Variants in SARDH observed in about 807,000 individuals in gnomAD.
SARDH encodes the protein sarcosine dehydrogenase.
Under a neutral mutation model 109.1 loss-of-function variants are expected in SARDH, and 95 were observed. That is an observed-to-expected ratio of 0.87 (90% confidence interval 0.74 to 1.03). SARDH has a LOEUF of 1.03. SARDH is among the 50% of genes least tolerant of loss of function. SARDH has a pLI of 0.00. For missense variants in SARDH, 1,267 were observed against 1,287.8 expected (o/e 0.98, Z 0.25); for synonymous variants, 572 against 534.8 (o/e 1.07, Z -0.96).
intron 9 of SARDH, 26 bp downstream of exon 9, chr9:133,713,012 C>T: frequency 1.9e-6 from 3 of 1,595,106 alleles, no homozygotes; most frequent in Non-Finnish European, 2.6e-6. Context: ...CTCTTGGGGG[C>T]CAGGAGGGCT....
chr9:133,667,031 G>A (rs1830097414), intron 19 of SARDH, 161 bp from the exon 20 acceptor site: 3 of 883,754 alleles, frequency 3.4e-6, no homozygotes, highest in Non-Finnish European at 5.3e-6. Context: ...CCCAGAGCCA[G>A]CCCAGCACCT....
At chr9:133,738,873 G>C (rs1832970826), upstream of SARDH, among the ~76,000 whole-genome samples, 1 of 152,212 alleles carries the variant, frequency 6.6e-6, no homozygotes. Context: ...CTCCTGGTCT[G>C]TCTGCGTCCT....
chr9:133,682,139 C>T (rs139590462), intron 17 of SARDH, among the ~76,000 whole-genome samples: 51 of 152,256 alleles, frequency 3.3e-4, no homozygotes, highest in Non-Finnish European at 6.5e-4. Flanking sequence ...ACTGGGAGGA[C>T]GGTGTTCAAG....
chr9:133,702,819 A>C, intron 13 of SARDH, 97 bp downstream of exon 13: 1 of 1,012,324 alleles, frequency 9.9e-7, no homozygotes, highest in Non-Finnish European at 1.5e-6. Context: ...CTCCTGGGGG[A>C]GGGGAGCCCC....
chr9:133,729,666 G>C (rs1832605315), intron 6 of SARDH, 99 bp downstream of exon 6: 2 of 972,328 alleles, frequency 2.1e-6, no homozygotes, highest in African/African-American at 1.6e-5. Context: ...GCAGTGAGGG[G>C]ACCCACAAGG....
At chr9:133,701,420 G>A (rs750076393) in intron 13 of SARDH, among the ~76,000 whole-genome samples, 17 of 152,208 alleles carry the variant, frequency 1.1e-4, no homozygotes, top group South Asian at 6.2e-4. Flanking sequence ...TGATGCCACC[G>A]GGGCTGCCAA....
intron 19 of SARDH, among the ~76,000 whole-genome samples, chr9:133,668,181 T>C (rs937519544): frequency 9.9e-5 from 15 of 151,742 alleles, no homozygotes; most frequent in Middle Eastern, 3.4e-3. Context: ...GCTGAGCTGA[T>C]TCAGGGAGCT....
At chr9:133,675,689 A>G (rs960867998) in intron 17 of SARDH, among the ~76,000 whole-genome samples, 3 of 152,390 alleles carry the variant, frequency 2.0e-5, no homozygotes, top group Non-Finnish European at 4.4e-5. Context: ...TTCTGGGTAT[A>G]CACCCAAAGG....
chr9:133,667,189 C>T, intron 19 of SARDH: 1 of 463,674 alleles, frequency 2.2e-6, no homozygotes, highest in East Asian at 3.6e-5. Context: ...TGTTGTTCAA[C>T]TCTGGTTTTT....
intron 2 of SARDH, 107 bp from the exon 3 acceptor site, chr9:133,732,708 C>A: frequency 1.6e-6 from 2 of 1,283,534 alleles, no homozygotes; most frequent in South Asian, 1.5e-5. Flanking sequence ...GTGTCTTTCT[C>A]TGCAAGGTCT....
chr9:133,701,677 GC>G (rs1464451723), intron 13 of SARDH, among the ~76,000 whole-genome samples: 4 of 152,212 alleles, frequency 2.6e-5, no homozygotes, highest in African/African-American at 9.7e-5. Context: ...TCCCTGGGAG[GC>G]AGCGACAAGG....
At position 133,732,566 on chromosome 9, in the gene SARDH, C is replaced by A. The variant is rs1391072810; in HGVS notation, c.367G>T (p.Val123Leu). The change falls in exon 3 of 21, where the codon GTG (valine) becomes TTG (leucine). Residue 123 changes from valine (V) to leucine (L), a missense_variant. Coordinates refer to ENST00000439388, the MANE Select transcript of SARDH (RefSeq NM_001134707.2). ...LWQLRPSDVE[V>L]ELLAHTRRVV... ...CGCCGAGTGTGGGCCAGAAGCTCCA[C>A]CTCCACGTCACTGGGCCGCAGCTGC... 15 of 1,612,678 alleles carry A rather than the reference C, an allele frequency of 9.3e-6. No individual in the cohort carries two copies. The highest frequency in any genetic ancestry group is 5.3e-5 in the African/African-American group (4 of 74,924).
At chr9:133,682,477 G>A (rs185280390) in intron 17 of SARDH, among the ~76,000 whole-genome samples, 53 of 152,300 alleles carry the variant, frequency 3.5e-4, no homozygotes, top group African/African-American at 1.2e-3. Context: ...TGTCCCCAAC[G>A]GTCCTCTGAG....
At chr9:133,685,114 C>A in intron 17 of SARDH, 79 bp downstream of exon 17, 1 of 1,263,900 alleles carries the variant, frequency 7.9e-7, no homozygotes, top group South Asian at 1.3e-5. Context: ...CGAGAGCCCC[C>A]AGCCCCCAGA....
rs749589539 is a variant in SARDH, at chr9:133,734,186, C to T, written c.-13G>A. On this transcript the variant is annotated 5_prime_UTR_variant, in exon 2 of 21. Transcript: ENST00000439388. ...TCAGTGAGGCCATGGGGGCTCCAGG[C>T]CTCAGCGAAACAGGGAGCTGGGGAG... The T allele has an allele frequency of 1.6e-5, 25 of 1,552,872 alleles. No homozygotes were observed. The South Asian group carries it at 2.7e-4, about 17-fold the overall frequency.
Position 133,712,974 on chromosome 9 carries a change from C to T in SARDH, c.1237+64G>A. ...CACGGTGCTCCTGCGCCCGCCTCCC[C>T]CAGAGCTCTGGGAATGACAGGACCT... On this transcript the variant is annotated intron_variant, in intron 9 of 20. Coordinates refer to ENST00000439388, the MANE Select transcript of SARDH (RefSeq NM_001134707.2). The surrounding 1 kb of genome is among the most constrained non-coding windows in gnomAD (Gnocchi z 4.1). The T allele has an allele frequency of 6.6e-7, 1 of 1,508,636 alleles. No homozygotes were observed. Among genetic ancestry groups the T allele is most frequent in the Non-Finnish European group, 9.0e-7 (1 of 1,106,586 alleles). The allele number at this position is 1,508,636 out of a possible 1,614,324, so 93.5% of individuals were successfully genotyped here.
intron 17 of SARDH, among the ~76,000 whole-genome samples, chr9:133,681,157 T>G (rs955754270): frequency 1.3e-5 from 2 of 152,268 alleles, no homozygotes; most frequent in Admixed American, 6.5e-5. Context: ...GCCGCCCTGG[T>G]CCTGCCACGG....
intron 13 of SARDH, among the ~76,000 whole-genome samples, 185 bp downstream of exon 13, chr9:133,702,731 G>T (rs1468448817): frequency 2.0e-5 from 3 of 152,222 alleles, no homozygotes; most frequent in Non-Finnish European, 4.4e-5. Context: ...ACAGAGGGAG[G>T]AGGGGGAGAG....
chr9:133,729,546 G>T (rs925707524), intron 6 of SARDH, among the ~76,000 whole-genome samples: 1 of 152,152 alleles, frequency 6.6e-6, no homozygotes, highest in Admixed American at 6.5e-5. Flanking sequence ...GGAACAAGGG[G>T]GTCAGCCCCA....
Sources: gnomAD v4.1 joint callset for allele counts (sites outside exome capture counted in the v4.1 genomes callset) on GRCh38, gnomAD v4.1.1 for gene constraint, Gnocchi (gnomAD v3.1) non-coding constraint, MANE v1.5 for transcripts, NCBI Gene and HGNC (gene_info 2026-07-23, HGNC 2026-07-21) for gene names.